The following SCUBE2 variants were observed in gnomAD, a reference collection of about 807,000 sequenced individuals.
SCUBE2 encodes the protein signal peptide, CUB and EGF-like domain-containing protein 2.
Under a neutral mutation model 125.9 loss-of-function variants are expected in SCUBE2, and 114 were observed. The ratio of observed to expected loss-of-function variants is 0.91; its 90% CI spans 0.78 to 1.06. The LOEUF is 1.06. Ranked by LOEUF, SCUBE2 falls within the 50% of genes least tolerant of loss-of-function variation. The probability of loss-of-function intolerance (pLI) is 0.00; values close to 1 mark genes in which losing one functional copy is unlikely to be tolerated. For synonymous variants in SCUBE2, 459 were observed against 492.9 expected, an observed-to-expected ratio of 0.93 and a Z score of 0.91; for missense variants, 1,255 against 1,301.8, an observed-to-expected ratio of 0.96 and a Z score of 0.55.
At position 9,019,847 on chromosome 11, in the gene SCUBE2, T is replaced by C. The variant is rs552706501; in HGVS notation, c.*1198A>G. On this transcript the variant is annotated 3_prime_UTR_variant, in exon 23 of 23. Transcript: ENST00000649792. ...TTTGATTGGATTCCTTTTTATTCAC[T>C]GTAATGAGATTTTTGCTTGGGGATT... 6.6e-6 allele frequency among the ~76,000 whole-genome samples: 1 copy of C among 152,342 alleles called. No individual in the cohort carries two copies. The highest frequency in any genetic ancestry group is 1.9e-4 in the East Asian group (1 of 5,186).
In SCUBE2 at chr11:9,030,942, C is replaced by A. The variant is rs773776431; in HGVS notation, c.2174-17G>T. 6.2e-7 allele frequency: 1 copy of A among 1,606,092 alleles called. No individual in the cohort carries two copies. Among genetic ancestry groups the A allele is most frequent in the South Asian group, 1.1e-5 (1 of 90,138 alleles). On this transcript the variant is annotated splice_polypyrimidine_tract_variant and intron_variant, in intron 17 of 22. Transcript: ENST00000649792. ...GACACAGACCTGGAAGGACCAATAG[C>A]CTTACGTGAGCAAGGCCTCCAGGCA...
chr11:9,066,022 G>A, intron 6 of SCUBE2, 42 bp from the exon 7 acceptor site: 1 of 1,387,804 alleles, frequency 7.2e-7, no homozygotes, highest in Non-Finnish European at 1.0e-6. Context: ...GACTGAATGA[G>A]TTAGATTGCT....
intron 19 of SCUBE2, among the ~76,000 whole-genome samples, chr11:9,029,324 C>T (rs990170305): frequency 2.0e-4 from 31 of 152,216 alleles, no homozygotes; most frequent in African/African-American, 6.8e-4. Context: ...GGGTCTCCTC[C>T]CAAAAGGCCT....
At chr11:9,022,012 C>G (rs1855338004) in intron 21 of SCUBE2, 57 bp from the exon 22 acceptor site, 1 of 1,291,870 alleles carries the variant, frequency 7.7e-7, no homozygotes, top group Admixed American at 1.7e-5. Flanking sequence ...TCCAAACTCA[C>G]TCTTTCACTT....
At chr11:9,074,405 T>C in intron 4 of SCUBE2, 76 bp downstream of exon 4, 2 of 1,548,508 alleles carry the variant, frequency 1.3e-6, no homozygotes, top group South Asian at 1.2e-5. Context: ...CCCTCTAGAG[T>C]CAGTGTGTGT....
chr11:9,081,504 G>T (rs1464748079), intron 2 of SCUBE2, among the ~76,000 whole-genome samples: 3 of 152,028 alleles, frequency 2.0e-5, no homozygotes, highest in Non-Finnish European at 1.5e-5. Context: ...ATTCCACCAT[G>T]TTGTAGCATG....
At position 9,028,405 on chromosome 11, in the gene SCUBE2, T is replaced by C. The variant is rs140864220; in HGVS notation, c.2504-844A>G. Reference sequence around the variant, plus strand: ...GTAGGTACAGGGCATGCTGGATACCTACGTCTGGCACCAAAGACAGAGGCT... The same window carrying C: ...GTAGGTACAGGGCATGCTGGATACCCACGTCTGGCACCAAAGACAGAGGCT... On this transcript the variant is annotated intron_variant, in intron 19 of 22. Transcript: ENST00000649792. Among the ~76,000 whole-genome samples the C allele has an allele frequency of 1.4e-3, 214 of 152,330 alleles. 1 individual carries two copies. Among genetic ancestry groups the C allele is most frequent in the African/African-American group, 5.0e-3 (207 of 41,576 alleles).
intron 10 of SCUBE2, among the ~76,000 whole-genome samples, chr11:9,054,351 C>T (rs958330746): frequency 3.9e-5 from 6 of 152,020 alleles, no homozygotes; most frequent in South Asian, 2.1e-4. Context: ...CAGAAGGATC[C>T]GCACTCTACT....
chr11:9,057,874 A>C (rs889702678), intron 9 of SCUBE2, among the ~76,000 whole-genome samples: 5 of 152,148 alleles, frequency 3.3e-5, no homozygotes, highest in African/African-American at 1.2e-4. Flanking sequence ...CCTTATTCCC[A>C]AAAATGGAGC....
At chr11:9,043,675 G>A (rs1350243606) in intron 16 of SCUBE2, among the ~76,000 whole-genome samples, 2 of 151,994 alleles carry the variant, frequency 1.3e-5, no homozygotes, top group Non-Finnish European at 2.9e-5. Context: ...GCTATACAAA[G>A]GACAAACAGT....
intron 1 of SCUBE2, 116 bp from the exon 2 acceptor site, chr11:9,089,945 C>T (rs1590176146): frequency 7.5e-7 from 1 of 1,341,350 alleles, no homozygotes; most frequent in Non-Finnish European, 1.0e-6. Context: ...TCACAAGCTA[C>T]AGCTGCTTGG....
intron 3 of SCUBE2, among the ~76,000 whole-genome samples, chr11:9,076,602 G>C (rs1199386245): frequency 1.1e-5 from 1 of 91,100 alleles, no homozygotes; most frequent in Non-Finnish European, 3.1e-5. Context: ...AAGGCTCAAA[G>C]AGAAGGCTGA....
chr11:9,069,228 T>C (rs1860540043), intron 5 of SCUBE2, 142 bp downstream of exon 5: 1 of 981,892 alleles, frequency 1.0e-6, no homozygotes, highest in South Asian at 1.6e-5. Flanking sequence ...AACAAGTACT[T>C]GGTAGAGGTC....
At chr11:9,046,420 C>A (rs555507096) in intron 16 of SCUBE2, among the ~76,000 whole-genome samples, 7 of 152,244 alleles carry the variant, frequency 4.6e-5, no homozygotes, top group African/African-American at 9.6e-5. Context: ...ATTAGTGATA[C>A]CCTCACTGGG....
In SCUBE2 at chr11:9,053,210, T is replaced by A; in HGVS notation, c.1336A>T (p.Lys446Ter). 1 of 1,613,552 alleles carries A rather than the reference T, an allele frequency of 6.2e-7. No homozygotes were observed. The highest frequency in any genetic ancestry group is 8.5e-7 in the Non-Finnish European group (1 of 1,179,432). The stretch of plus-strand genomic sequence containing the variant: ...GACACACTTGTGGGCAGGAGCCCCT[T>A]CACTTCTAGACAGGACAAAACAGAC... ...HWNKKDCVEV[K>*]GLLPTSVSPR... The change falls in exon 12 of 23, where the codon AAG (lysine) becomes TAG (stop). Residue 446 changes from lysine to a stop codon, truncating the protein, a stop_gained. Coordinates refer to ENST00000649792, the MANE Select transcript of SCUBE2 (RefSeq NM_001367977.2). LOFTEE classifies it high-confidence loss of function.
intron 2 of SCUBE2, among the ~76,000 whole-genome samples, chr11:9,080,221 T>G (rs1861528498): frequency 6.6e-6 from 1 of 152,226 alleles, no homozygotes; most frequent in Non-Finnish European, 1.5e-5. Context: ...CAAATGGCAC[T>G]GGTTTAATTG....
rs537444230 is a variant in SCUBE2 at position 9,048,024 on chromosome 11, C to G, written c.1714G>C (p.Ala572Pro). 6 of 1,614,070 alleles carry G rather than the reference C, an allele frequency of 3.7e-6. No individual in the cohort carries two copies. Among genetic ancestry groups the G allele is most frequent in the Non-Finnish European group, 5.1e-6 (6 of 1,180,036 alleles). Residue 572 changes from alanine to proline, a missense_variant, in exon 15 of 23, where the codon GCC becomes CCC. Around this residue, in one of 3 missense-constraint regions of SCUBE2, gnomAD observed 378 missense variants for 463.1 expected, o/e 0.82. Transcript: ENST00000649792. ...TTAGGGGTGCTTGGTCGGCCAGGGG[C>G]TCCTGGGACTTGCTTGCCAGAGCTG... ...TCSSGKQVPG[A>P]PGRPSTPKEM...
chr11:9,040,927 C>G (rs1355464633), intron 16 of SCUBE2, among the ~76,000 whole-genome samples: 1 of 152,200 alleles, frequency 6.6e-6, no homozygotes, highest in Non-Finnish European at 1.5e-5. Context: ...GCAAAACTGC[C>G]TATAAGGAGG....
At chr11:9,068,064 G>C (rs953251875) in intron 5 of SCUBE2, among the ~76,000 whole-genome samples, 1 of 152,182 alleles carries the variant, frequency 6.6e-6, no homozygotes, top group African/African-American at 2.4e-5. Context: ...CCTGTTGCTT[G>C]AGTGTGATGG....
Sources: gnomAD v4.1 joint callset for allele counts (sites outside exome capture counted in the v4.1 genomes callset) on GRCh38, gnomAD v4.1.1 for gene constraint, gnomAD v4.1.1 regional missense constraint, MANE v1.5 for transcripts, NCBI Gene and HGNC (gene_info 2026-07-23, HGNC 2026-07-21) for gene names.